TMEM40: variants seen among roughly 807,000 people sequenced by gnomAD.
TMEM40 encodes transmembrane protein 40.
A neutral mutation model predicts 40.8 loss-of-function variants in TMEM40; 34 were observed. The ratio of observed to expected loss-of-function variants is 0.83; its 90% CI spans 0.63 to 1.11. The LOEUF is 1.11. TMEM40 is among the 50% of genes least tolerant of loss of function. TMEM40 has a pLI of 0.00. For synonymous variants in TMEM40, 106 were observed against 107.0 expected (o/e 0.99, Z 0.06); for missense variants, 296 against 280.2 (o/e 1.06, Z -0.40).
chr3:12,747,910 C>CAAAAAAAAA (rs747586371), intron 3 of TMEM40, among the ~76,000 whole-genome samples: 3 of 27,582 alleles, frequency 1.1e-4, no homozygotes, highest in African/African-American at 1.1e-4. Flanking sequence ...GATTCTGTCT[C>CAAAAAAAAA]AAAAAAAAAA....
At chr3:12,736,149 A>ATTTT (rs553779357) in intron 10 of TMEM40, among the ~76,000 whole-genome samples, 10 of 141,036 alleles carry the variant, frequency 7.1e-5, no homozygotes, top group African/African-American at 7.9e-5. Flanking sequence ...GCATAAGGAA[A>ATTTT]TTTTTTTTTT....
chr3:12,763,132 C>T (rs1404758552), upstream of TMEM40, among the ~76,000 whole-genome samples: 1 of 144,224 alleles, frequency 6.9e-6, no homozygotes, highest in Non-Finnish European at 1.5e-5. Flanking sequence ...TGCACTCCAG[C>T]CTGGGCGACA....
upstream of TMEM40, among the ~76,000 whole-genome samples, chr3:12,760,513 G>T (rs1007050938): frequency 1.3e-5 from 2 of 151,776 alleles, no homozygotes; most frequent in Non-Finnish European, 2.9e-5. Flanking sequence ...TCTCCCCCTA[G>T]AAAGCCACCT....
intron 1 of TMEM40, among the ~76,000 whole-genome samples, chr3:12,769,015 A>G (rs925658951): frequency 2.0e-5 from 3 of 151,654 alleles, no homozygotes; most frequent in Admixed American, 6.6e-5. Flanking sequence ...CCTGCCTCTC[A>G]GGGAGGCAGC....
At chr3:12,756,061 G>A (rs746187734) in intron 1 of TMEM40, among the ~76,000 whole-genome samples, 16 of 152,174 alleles carry the variant, frequency 1.1e-4, no homozygotes, top group Non-Finnish European at 2.1e-4. Context: ...ATGGAAAGGA[G>A]TCCGACACAT....
At chr3:12,755,213 TTCTCTCTCTCTCTCTC>T (rs754041538) in intron 1 of TMEM40, among the ~76,000 whole-genome samples, 22 of 94,254 alleles carry the variant, frequency 2.3e-4, no homozygotes, top group African/African-American at 6.6e-4. Flanking sequence ...CTTTCTTTCT[TTCTCTCTCTCTCTCTC>T]TCTCTCTTTC....
At chr3:12,755,589 C>A (rs1575744379) in intron 1 of TMEM40, among the ~76,000 whole-genome samples, 2 of 152,192 alleles carry the variant, frequency 1.3e-5, no homozygotes, top group East Asian at 3.9e-4. Context: ...GTGTCTCAAG[C>A]AATTCTCTCC....
At chr3:12,764,009 G>A (rs1245852256), upstream of TMEM40, among the ~76,000 whole-genome samples, 2 of 151,968 alleles carry the variant, frequency 1.3e-5, no homozygotes, top group East Asian at 1.9e-4. Context: ...TCCATCTCCC[G>A]GCTTCAAGTG....
At chr3:12,737,562 G>T in intron 8 of TMEM40, 145 bp downstream of exon 8, 1 of 744,696 alleles carries the variant, frequency 1.3e-6, no homozygotes, top group East Asian at 2.5e-5. Context: ...CTGTTGAGGT[G>T]ATTCTGAGCT....
intron 3 of TMEM40, among the ~76,000 whole-genome samples, chr3:12,746,724 G>GGCTTTCTCCCGCT (rs2061431838): frequency 2.0e-5 from 3 of 152,154 alleles, no homozygotes; most frequent in Admixed American, 2.0e-4. Flanking sequence ...CTAGGACTCT[G>GGCTTTCTCCCGCT]GCTTTCTCCC....
At chr3:12,756,779 C>CTCTCTG (rs1491410498) in intron 1 of TMEM40, among the ~76,000 whole-genome samples, 1 of 121,612 alleles carries the variant, frequency 8.2e-6, no homozygotes, top group Admixed American at 7.5e-5. Flanking sequence ...ACCCACCTCC[C>CTCTCTG]TCTCTCTCTC....
intron 1 of TMEM40, among the ~76,000 whole-genome samples, chr3:12,755,251 CTT>C: frequency 1.0e-5 from 1 of 96,602 alleles, no homozygotes; most frequent in African/African-American, 5.2e-5. Flanking sequence ...TTCTTTCTTT[CTT>C]TCTTTCTTTC....
intron 2 of TMEM40, 66 bp from the exon 3 acceptor site, chr3:12,748,858 T>C: frequency 6.9e-7 from 1 of 1,439,462 alleles, no homozygotes; most frequent in Non-Finnish European, 9.6e-7. Flanking sequence ...GACCACCCAG[T>C]CCTCTCCAGG....
chr3:12,741,780 AAAAAG>A (rs1395491235), intron 5 of TMEM40, among the ~76,000 whole-genome samples: 2 of 151,776 alleles, frequency 1.3e-5, no homozygotes, highest in Admixed American at 6.6e-5. Flanking sequence ...AAAAAAAAAA[AAAAAG>A]AAAGAAGGAA....
At chr3:12,746,113 G>T (rs945535061) in intron 3 of TMEM40, among the ~76,000 whole-genome samples, 1 of 151,660 alleles carries the variant, frequency 6.6e-6, no homozygotes, top group Non-Finnish European at 1.5e-5. Context: ...GGCCAGGCTG[G>T]TCTTGAACTC....
intron 10 of TMEM40, 140 bp downstream of exon 10, chr3:12,736,438 C>T: frequency 9.8e-7 from 1 of 1,025,620 alleles, no homozygotes; most frequent in Non-Finnish European, 1.4e-6. Context: ...GCGTAAGCCA[C>T]CGCGCCTGGC....
intron 11 of TMEM40, 83 bp downstream of exon 11, chr3:12,735,472 C>T: frequency 7.0e-7 from 1 of 1,425,482 alleles, no homozygotes. Flanking sequence ...AGGCTGTGTT[C>T]TTTCCTGTAT....
chr3:12,753,109 C>A (rs370323693), intron 1 of TMEM40, among the ~76,000 whole-genome samples: 1 of 152,096 alleles, frequency 6.6e-6, no homozygotes, highest in Admixed American at 6.6e-5. Flanking sequence ...GAACCATCAC[C>A]GGGGGAAGAC....
intron 10 of TMEM40, among the ~76,000 whole-genome samples, chr3:12,735,981 T>A (rs556822848): frequency 3.3e-5 from 5 of 151,918 alleles, no homozygotes; most frequent in African/African-American, 1.2e-4. Context: ...CTTGCCCCAA[T>A]CTCCTGAGTA....
Sources: gnomAD v4.1 joint callset for allele counts (sites outside exome capture counted in the v4.1 genomes callset) on GRCh38, gnomAD v4.1.1 for gene constraint, MANE v1.5 for transcripts, NCBI Gene and HGNC (gene_info 2026-07-23, HGNC 2026-07-21) for gene names.